Variants in R3HDM2 observed in about 807,000 individuals in gnomAD.
The protein encoded by R3HDM2 is R3H domain-containing protein 2.
In R3HDM2, 38 loss-of-function variants were observed where a neutral mutation model predicts 124.5. The observed-to-expected ratio is 0.31, with a 90% CI of 0.24 to 0.40. The LOEUF (loss-of-function observed/expected upper bound fraction) is 0.40, where lower values mean the gene tolerates loss of function less well. Ranked by LOEUF, R3HDM2 falls within the 10% of genes least tolerant of loss-of-function variation. The pLI, the probability that R3HDM2 is intolerant of heterozygous loss-of-function variation, is 1.00. For missense variants in R3HDM2, 869 were observed against 1,236.9 expected, an observed-to-expected ratio of 0.70 and a Z score of 4.46; for synonymous variants, 391 against 448.0, an observed-to-expected ratio of 0.87 and a Z score of 1.61.
intron 2 of R3HDM2, among the ~76,000 whole-genome samples, chr12:57,368,501 G>T (rs2062921226): frequency 6.6e-6 from 1 of 152,142 alleles, no homozygotes; most frequent in African/African-American, 2.4e-5. Context: ...AGGGACTTTA[G>T]GTTACATACT....
At chr12:57,335,018 T>C (rs1364368805) in intron 2 of R3HDM2, among the ~76,000 whole-genome samples, 3 of 150,680 alleles carry the variant, frequency 2.0e-5, no homozygotes, top group Admixed American at 6.6e-5. Context: ...GGTACCTCTG[T>C]GTAGTCCCAG....
intron 1 of R3HDM2, chr12:57,430,425 G>T: frequency 1.4e-6 from 1 of 711,086 alleles, no homozygotes; most frequent in Non-Finnish European, 1.7e-6. Flanking sequence ...CCACCCCGAA[G>T]CACTGGAAGG....
chr12:57,310,633 T>G (rs977164535), intron 2 of R3HDM2, among the ~76,000 whole-genome samples, 170 bp from the exon 3 acceptor site: 3 of 152,164 alleles, frequency 2.0e-5, no homozygotes, highest in Non-Finnish European at 2.9e-5. Flanking sequence ...AAAAAAAACT[T>G]TATTGAGGTA....
chr12:57,346,927 G>C (rs2137115279), intron 2 of R3HDM2, among the ~76,000 whole-genome samples: 1 of 152,200 alleles, frequency 6.6e-6, no homozygotes, highest in Non-Finnish European at 1.5e-5. Context: ...ACCTGAAATG[G>C]TAAAATATCA....
intron 14 of R3HDM2, among the ~76,000 whole-genome samples, chr12:57,279,336 C>T (rs913223996): frequency 1.2e-4 from 18 of 151,628 alleles, no homozygotes; most frequent in Admixed American, 1.2e-3. Flanking sequence ...GCACCCGCCA[C>T]CATACGTGGC....
At chr12:57,330,794 G>A (rs1230127352) in intron 2 of R3HDM2, among the ~76,000 whole-genome samples, 6 of 141,904 alleles carry the variant, frequency 4.2e-5, no homozygotes, top group African/African-American at 1.6e-4. Flanking sequence ...CGCCTCCCGG[G>A]TTCACGCCAT....
intron 2 of R3HDM2, among the ~76,000 whole-genome samples, chr12:57,359,476 C>T (rs1057178444): frequency 1.3e-5 from 2 of 152,098 alleles, no homozygotes; most frequent in South Asian, 2.1e-4. Flanking sequence ...TTCTTTGTTC[C>T]GAAATCTACT....
intron 2 of R3HDM2, among the ~76,000 whole-genome samples, chr12:57,333,607 G>A (rs2058476135): frequency 6.6e-6 from 1 of 152,104 alleles, no homozygotes; most frequent in Non-Finnish European, 1.5e-5. Context: ...CAGGAGAATT[G>A]CTTGAATCTG....
intron 2 of R3HDM2, among the ~76,000 whole-genome samples, chr12:57,373,222 C>CG (rs1388034949): frequency 2.6e-5 from 4 of 152,056 alleles, no homozygotes; most frequent in Non-Finnish European, 5.9e-5. Flanking sequence ...AATAACAAGC[C>CG]GGGCGCGGTG....
intron 19 of R3HDM2, among the ~76,000 whole-genome samples, chr12:57,266,076 C>A (rs537655445): frequency 9.5e-5 from 14 of 147,512 alleles, no homozygotes; most frequent in African/African-American, 2.8e-4. Context: ...GGATTACAGG[C>A]GTGAGCCTCC....
chr12:57,362,317 T>G (rs939982665), intron 2 of R3HDM2, among the ~76,000 whole-genome samples: 3 of 152,232 alleles, frequency 2.0e-5, no homozygotes, highest in Non-Finnish European at 4.4e-5. Context: ...ATGATCCACT[T>G]TCACTTAATA....
intron 2 of R3HDM2, 66 bp from the exon 3 acceptor site, chr12:57,310,529 G>T (rs1034648356): frequency 4.7e-6 from 4 of 848,362 alleles, no homozygotes; most frequent in Non-Finnish European, 6.3e-6. Flanking sequence ...CACAAGACTC[G>T]TATTTCACAC....
At chr12:57,263,532 A>C (rs138585718) in intron 19 of R3HDM2, among the ~76,000 whole-genome samples, 1,539 of 152,180 alleles carry the variant, frequency 0.01, 18 homozygotes, top group African/African-American at 0.036. Flanking sequence ...GCAGTGGCGC[A>C]ATCTCGGCTC....
intron 21 of R3HDM2, among the ~76,000 whole-genome samples, chr12:57,257,776 T>A (rs2039490256): frequency 6.6e-6 from 1 of 152,156 alleles, no homozygotes; most frequent in South Asian, 2.1e-4. Flanking sequence ...AAGTACTAAG[T>A]ATGTAAAGAA....
chr12:57,292,216 GAT>G (rs1031308288), intron 11 of R3HDM2, among the ~76,000 whole-genome samples: 5 of 152,200 alleles, frequency 3.3e-5, no homozygotes, highest in African/African-American at 1.2e-4. Flanking sequence ...GCCTAAAATG[GAT>G]AGAGGGAGTG....
At chr12:57,314,450 G>A (rs1331866111) in intron 2 of R3HDM2, among the ~76,000 whole-genome samples, 2 of 152,152 alleles carry the variant, frequency 1.3e-5, no homozygotes, top group African/African-American at 4.8e-5. Flanking sequence ...TTACACTCCA[G>A]CCTAGGCAAC....
Position 57,297,310 on chromosome 12 carries a change from T to C in R3HDM2, c.560+18A>G. 7.3e-7 allele frequency: 1 copy of C among 1,378,046 alleles called. No homozygotes were observed. The allele number at this position is 1,378,046 out of a possible 1,614,324, so 85.4% of individuals were successfully genotyped here. A position where few individuals can be genotyped will look rare whatever the true frequency, so the allele number is the denominator to read the frequency against. On this transcript the variant is annotated intron_variant, in intron 8 of 23. Coordinates refer to ENST00000402412, the MANE Select transcript of R3HDM2 (RefSeq NM_001394031.1). Reference sequence around the variant, plus strand: ...CCCCCTCCCACCTCTAATTATATATTTCATGCAAGTAACTTACTTGTTGTC... The same window carrying C: ...CCCCCTCCCACCTCTAATTATATATCTCATGCAAGTAACTTACTTGTTGTC...
At chr12:57,360,629 A>G (rs1194453189) in intron 2 of R3HDM2, among the ~76,000 whole-genome samples, 17 of 151,848 alleles carry the variant, frequency 1.1e-4, no homozygotes, top group Admixed American at 1.1e-3. Context: ...GGAAAGGAAT[A>G]AGGAAAAAGG....
chr12:57,379,249 T>C (rs1322931044), intron 2 of R3HDM2, among the ~76,000 whole-genome samples: 1 of 152,196 alleles, frequency 6.6e-6, no homozygotes, highest in African/African-American at 2.4e-5. Context: ...ATGGTTAAGA[T>C]GGCAAATTCT....
Sources: allele counts gnomAD v4.1 joint callset (sites outside exome capture counted in the v4.1 genomes callset), GRCh38; gene constraint gnomAD v4.1.1; transcripts MANE v1.5; gene names NCBI Gene and HGNC (gene_info 2026-07-23, HGNC 2026-07-21).